The following RTN4RL1 variants were observed in gnomAD, a reference collection of about 807,000 sequenced individuals.
RTN4RL1 encodes the protein reticulon-4 receptor-like 1.
Under a neutral mutation model 25.6 loss-of-function variants are expected in RTN4RL1, and 7 were observed. The observed-to-expected ratio is 0.27, with a 90% CI of 0.16 to 0.51. The LOEUF is 0.51. RTN4RL1 is among the 20% of genes least tolerant of loss of function. RTN4RL1 has a pLI of 0.97. For missense variants in RTN4RL1, 500 were observed against 615.6 expected, an observed-to-expected ratio of 0.81 and a Z score of 1.99; for synonymous variants, 297 against 288.2, an observed-to-expected ratio of 1.03 and a Z score of -0.31.
intron 1 of RTN4RL1, among the ~76,000 whole-genome samples, chr17:1,959,810 A>G (rs7359665): frequency 0.58 from 87,724 of 151,962 alleles, 26,185 homozygotes; most frequent in Middle Eastern, 0.7. Context: ...TGATCCACCC[A>G]CCTCGGCCTC....
At chr17:1,970,499 G>A (rs573249248) in intron 1 of RTN4RL1, among the ~76,000 whole-genome samples, 7 of 152,294 alleles carry the variant, frequency 4.6e-5, no homozygotes, top group South Asian at 4.1e-4. Context: ...AGATCCAGCC[G>A]CAGACCCAGC....
intron 1 of RTN4RL1, among the ~76,000 whole-genome samples, chr17:1,983,094 A>G (rs958356551): frequency 1.3e-5 from 2 of 149,358 alleles, no homozygotes; most frequent in Non-Finnish European, 3.0e-5. Flanking sequence ...CCTGTCACCC[A>G]GGCTGGAGTG....
At chr17:2,008,716 C>T (rs771907367) in intron 1 of RTN4RL1, among the ~76,000 whole-genome samples, 1 of 152,142 alleles carries the variant, frequency 6.6e-6, no homozygotes, top group South Asian at 2.1e-4. Flanking sequence ...ATCCGTGGCA[C>T]GAACAGTGAC....
rs899064027 is a variant in RTN4RL1 at position 1,936,254 on chromosome 17, C to T, written c.*242G>A. 64 of 1,359,876 alleles carry T rather than the reference C, an allele frequency of 4.7e-5. No homozygotes were observed. The highest frequency in any genetic ancestry group is 1.1e-4 in the South Asian group (6 of 54,964). 84.2% of individuals were successfully genotyped at this position (1,359,876 alleles called of 1,614,324 possible). ...CCACCTTGCCAGAGTGGACACTGTC[C>T]GTGGGCGCTCTGCGGGGCTGGCTGG... is the stretch of plus-strand genomic sequence containing the variant. On this transcript the variant is annotated 3_prime_UTR_variant, in exon 2 of 2. Coordinates refer to ENST00000331238, the MANE Select transcript of RTN4RL1 (RefSeq NM_178568.4).
At chr17:1,940,589 C>G (rs1299482752) in intron 1 of RTN4RL1, among the ~76,000 whole-genome samples, 1 of 152,108 alleles carries the variant, frequency 6.6e-6, no homozygotes, top group Non-Finnish European at 1.5e-5. Flanking sequence ...GGGGAGGAAC[C>G]TGGGCTCCAA....
In RTN4RL1 at chr17:1,998,390, C is replaced by T. The variant is rs560780131; in HGVS notation, c.13+26463G>A. ...GCCCGCGCTGAGAGATCGGGGTTAC[C>T]GCGCGGGGAGCCGCGGCCGCGCTGG... On this transcript the variant is annotated intron_variant, in intron 1 of 1. Transcript: ENST00000331238. The surrounding 1 kb of genome is among the most constrained non-coding windows in gnomAD (Gnocchi z 4.9). Among the ~76,000 whole-genome samples, 671 of 152,104 alleles carry T rather than the reference C, an allele frequency of 4.4e-3. 6 individuals carry two copies. The highest frequency in any genetic ancestry group is 0.015 in the African/African-American group (613 of 41,530).
At position 1,992,698 on chromosome 17, in the gene RTN4RL1, G is replaced by A. The variant is rs987394205; in HGVS notation, c.13+32155C>T. Among the ~76,000 whole-genome samples, 94 of 152,246 alleles carry A rather than the reference G, an allele frequency of 6.2e-4. 2 individuals are homozygous for A. The highest frequency in any genetic ancestry group is 2.1e-4 in the Non-Finnish European group (14 of 68,038). On this transcript the variant is annotated intron_variant, in intron 1 of 1. Coordinates refer to ENST00000331238, the MANE Select transcript of RTN4RL1 (RefSeq NM_178568.4). ...GAAGTGGGAGCCTGCTCAGCTCTTGGAGCTGGATGAGAGCTGAGACAGGCA... is the reference window on the plus strand; with the variant it reads ...GAAGTGGGAGCCTGCTCAGCTCTTGAAGCTGGATGAGAGCTGAGACAGGCA...
intron 1 of RTN4RL1, among the ~76,000 whole-genome samples, chr17:2,022,186 T>A (rs557609267): frequency 1.3e-5 from 2 of 151,970 alleles, no homozygotes; most frequent in Non-Finnish European, 2.9e-5. Context: ...CATGGTGGCG[T>A]GCACCTGTAG....
In RTN4RL1 at chr17:2,025,047, G is replaced by A. The variant is rs1597266229; in HGVS notation, c.-182C>T. 1.0e-5 allele frequency: 5 copies of A among 490,948 alleles called. No homozygotes were observed. Among genetic ancestry groups the A allele is most frequent in the Middle Eastern group, 5.4e-4 (1 of 1,842 alleles). 30.4% of individuals were successfully genotyped at this position (490,948 alleles called of 1,614,324 possible). On this transcript the variant is annotated 5_prime_UTR_variant, in exon 1 of 2. Coordinates refer to ENST00000331238, the MANE Select transcript of RTN4RL1 (RefSeq NM_178568.4). The surrounding 1 kb of genome is among the most constrained non-coding windows in gnomAD (Gnocchi z 4.8). Reference sequence around the variant, plus strand: ...GCATGGTGAGCTCCAGCCCCGCGCCGAGGGCACCGGCGCCCGCAAGCAACC... The same window carrying A: ...GCATGGTGAGCTCCAGCCCCGCGCCAAGGGCACCGGCGCCCGCAAGCAACC...
At chr17:1,941,520 G>A (rs1031914789) in intron 1 of RTN4RL1, among the ~76,000 whole-genome samples, 23 of 152,230 alleles carry the variant, frequency 1.5e-4, no homozygotes, top group Non-Finnish European at 2.6e-4. Context: ...GGCGGGGGCC[G>A]GGCAACAAGC....
Position 2,011,903 on chromosome 17 carries a change from T to C in RTN4RL1, c.13+12950A>G, listed in dbSNP as rs182723315. On this transcript the variant is annotated intron_variant, in intron 1 of 1. Transcript: ENST00000331238. The stretch of plus-strand genomic sequence containing the variant: ...ATAGCCCAAGAAGTTCCCGAGCCTC[T>C]TTCCCTCGGCCCCTCCTCGCTTGGG... 2.0e-4 allele frequency among the ~76,000 whole-genome samples: 31 copies of C among 152,298 alleles called. No individual in the cohort carries two copies. The East Asian group carries it at 5.6e-3, about 28-fold the overall frequency.
chr17:1,983,471 TCACTGCAG>T (rs1321823843), intron 1 of RTN4RL1, among the ~76,000 whole-genome samples: 1 of 152,232 alleles, frequency 6.6e-6, no homozygotes, highest in Non-Finnish European at 1.5e-5. Context: ...GGAACGAGGT[TCACTGCAG>T]CCTTCGCCTC....
chr17:2,021,407 G>A (rs533226765), intron 1 of RTN4RL1, among the ~76,000 whole-genome samples: 1 of 152,172 alleles, frequency 6.6e-6, no homozygotes, highest in East Asian at 1.9e-4. Context: ...ACAGGATCTA[G>A]GGAGGGCTAC....
intron 1 of RTN4RL1, among the ~76,000 whole-genome samples, chr17:1,941,639 C>T (rs1439707743): frequency 6.6e-6 from 1 of 152,080 alleles, no homozygotes; most frequent in African/African-American, 2.4e-5. Flanking sequence ...GAGTGCTCAC[C>T]GACCTTGGGT....
chr17:1,984,271 C>T (rs959996550), intron 1 of RTN4RL1, among the ~76,000 whole-genome samples: 2 of 152,204 alleles, frequency 1.3e-5, no homozygotes, highest in African/African-American at 4.8e-5. Flanking sequence ...CCTGAGAAGC[C>T]GAGTCAAGGC....
rs1479015589 is a variant in RTN4RL1, at chr17:1,936,447, T to C, written c.*49A>G. ...GTTAAAAAAAGAAGAAAATAAATTC[T>C]GTTCCTTGGTGGACATGTGGCAGTG... On this transcript the variant is annotated 3_prime_UTR_variant, in exon 2 of 2. Transcript: ENST00000331238. The C allele has an allele frequency of 6.7e-7, 1 of 1,487,242 alleles. No homozygotes were observed. The highest frequency in any genetic ancestry group is 8.9e-7 in the Non-Finnish European group (1 of 1,128,314). The allele number at this position is 1,487,242 out of a possible 1,614,324, so 92.1% of individuals were successfully genotyped here. A position where few individuals can be genotyped will look rare whatever the true frequency, so the allele number is the denominator to read the frequency against.
intron 1 of RTN4RL1, 38 bp from the exon 2 acceptor site, chr17:1,937,846 T>A: frequency 6.7e-7 from 1 of 1,501,262 alleles, no homozygotes; most frequent in Non-Finnish European, 9.0e-7. Flanking sequence ...TCAGGGGCCG[T>A]GCAGGTGAGG....
chr17:1,987,914 T>C (rs1448947646), intron 1 of RTN4RL1, among the ~76,000 whole-genome samples: 1 of 151,280 alleles, frequency 6.6e-6, no homozygotes, highest in Non-Finnish European at 1.5e-5. Context: ...AAGACCATCA[T>C]GGCCAACATG....
Position 1,936,251 on chromosome 17 carries a change from G to A in RTN4RL1, c.*245C>T. ...TTCCCACCTTGCCAGAGTGGACACT[G>A]TCCGTGGGCGCTCTGCGGGGCTGGC... On this transcript the variant is annotated 3_prime_UTR_variant, in exon 2 of 2. Coordinates refer to ENST00000331238, the MANE Select transcript of RTN4RL1 (RefSeq NM_178568.4). The A allele has an allele frequency of 7.4e-7, 1 of 1,356,990 alleles. No homozygotes were observed. Among genetic ancestry groups the A allele is most frequent in the Non-Finnish European group, 9.4e-7 (1 of 1,060,812 alleles). The allele number at this position is 1,356,990 out of a possible 1,614,324, so 84.1% of individuals were successfully genotyped here. A position where few individuals can be genotyped will look rare whatever the true frequency, so the allele number is the denominator to read the frequency against.
Sources: allele counts gnomAD v4.1 joint callset (sites outside exome capture counted in the v4.1 genomes callset), GRCh38; gene constraint gnomAD v4.1.1; non-coding constraint Gnocchi (gnomAD v3.1); transcripts MANE v1.5; gene names NCBI Gene and HGNC (gene_info 2026-07-23, HGNC 2026-07-21).